Variants in ACACB observed in about 807,000 individuals in gnomAD.
ACACB encodes acetyl-CoA carboxylase beta, also known as acetyl-CoA carboxylase 2.
A neutral mutation model predicts 278.8 loss-of-function variants in ACACB; 209 were observed. The ratio of observed to expected loss-of-function variants is 0.75; its 90% CI spans 0.67 to 0.84. ACACB has a LOEUF of 0.84. Ranked by LOEUF, ACACB falls within the 40% of genes least tolerant of loss-of-function variation. The pLI is 0.00. For synonymous variants in ACACB, 1,174 were observed against 1,285.6 expected, an observed-to-expected ratio of 0.91 and a Z score of 1.86; for missense variants, 2,850 against 3,269.0, an observed-to-expected ratio of 0.87 and a Z score of 3.13.
intron 24 of ACACB, among the ~76,000 whole-genome samples, chr12:109,221,789 TG>T (rs1428662418): frequency 1.3e-5 from 2 of 151,294 alleles, no homozygotes; most frequent in African/African-American, 4.9e-5. Context: ...TAACTCTTCG[TG>T]GGGGTGGGAG....
intron 17 of ACACB, among the ~76,000 whole-genome samples, chr12:109,198,435 T>TCTTA (rs1286764699): frequency 1.3e-5 from 2 of 152,216 alleles, no homozygotes; most frequent in African/African-American, 4.8e-5. Context: ...AAAGACTGGT[T>TCTTA]CTTACTCTGT....
At chr12:109,176,465 T>A (rs1180643039) in intron 9 of ACACB, among the ~76,000 whole-genome samples, 2 of 152,184 alleles carry the variant, frequency 1.3e-5, no homozygotes, top group African/African-American at 2.4e-5. Context: ...TGACAGAATC[T>A]TTTAGGTAGT....
intron 22 of ACACB, among the ~76,000 whole-genome samples, chr12:109,215,861 A>G (rs2045980092): frequency 6.6e-6 from 1 of 152,126 alleles, no homozygotes; most frequent in African/African-American, 2.4e-5. Flanking sequence ...CAGCAGTGCA[A>G]TCATAGCTCA....
chr12:109,247,730 A>G, intron 40 of ACACB, 27 bp downstream of exon 40: 1 of 1,571,184 alleles, frequency 6.4e-7, no homozygotes, highest in Non-Finnish European at 8.8e-7. Context: ...GTAGCTCCTT[A>G]ATTTTGCTCA....
rs1412305833 is a variant in ACACB, at chr12:109,175,954, G to A, written c.1240G>A (p.Asp414Asn). 6.2e-7 allele frequency: 1 copy of A among 1,614,048 alleles called. No individual in the cohort carries two copies. The highest frequency in any genetic ancestry group is 1.7e-5 in the Admixed American group (1 of 59,998). Residue 414 changes from aspartate (D) to asparagine (N), a missense_variant, in exon 8 of 53, where the codon GAT becomes AAT. Around this residue, in one of 3 missense-constraint regions of ACACB, gnomAD observed 2,265 missense variants for 2,561.3 expected, o/e 0.88. Transcript: ENST00000338432. ...GSGLTVEWTE[D>N]DLQQGKRISV... ...AGGCCTGACAGTGGAGTGGACAGAAGATGATCTGCAGCAGGGAAAAAGAAT... is the reference window on the plus strand; with the variant it reads ...AGGCCTGACAGTGGAGTGGACAGAAAATGATCTGCAGCAGGGAAAAAGAAT...
At chr12:109,237,085 G>C (rs2046651170) in intron 33 of ACACB, 80 bp from the exon 34 acceptor site, 8 of 1,422,708 alleles carry the variant, frequency 5.6e-6, no homozygotes, top group Non-Finnish European at 6.9e-6. Flanking sequence ...GCAGAGTAGG[G>C]TGTGGACCAA....
intron 21 of ACACB, among the ~76,000 whole-genome samples, chr12:109,211,133 C>T (rs1453865457): frequency 6.6e-6 from 1 of 151,904 alleles, no homozygotes; most frequent in East Asian, 1.9e-4. Flanking sequence ...GGGTTCCCCA[C>T]CATCATCATC....
At chr12:109,183,648 A>G (rs1004345867) in intron 11 of ACACB, among the ~76,000 whole-genome samples, 9 of 152,214 alleles carry the variant, frequency 5.9e-5, no homozygotes, top group Admixed American at 5.2e-4. Flanking sequence ...CTGTAGATTT[A>G]CTGAATTTGT....
chr12:109,210,554 T>TAC (rs1388673102), intron 21 of ACACB, among the ~76,000 whole-genome samples: 2 of 147,718 alleles, frequency 1.4e-5, no homozygotes, highest in African/African-American at 4.9e-5. Context: ...CATGTATATA[T>TAC]ACATATATAC....
rs1411008568 is a variant in ACACB, at chr12:109,265,535, C to T, written c.7250+10C>T. On this transcript the variant is annotated intron_variant, in intron 52 of 52. Coordinates refer to ENST00000338432, the MANE Select transcript of ACACB (RefSeq NM_001093.4). ...TCAAGACCATCCGAGGGTGAGTGGC[C>T]ACCGCACCTGCTTCCCAGCCTCCTG... 1.2e-6 allele frequency: 2 copies of T among 1,612,158 alleles called. No homozygotes were observed. The highest frequency in any genetic ancestry group is 1.7e-6 in the Non-Finnish European group (2 of 1,179,232).
intron 15 of ACACB, among the ~76,000 whole-genome samples, chr12:109,192,657 T>C (rs1248497743): frequency 1.3e-5 from 2 of 149,970 alleles, no homozygotes; most frequent in East Asian, 3.9e-4. Context: ...AGGATAAACT[T>C]TTTTTTTTTT....
intron 15 of ACACB, 46 bp downstream of exon 15, chr12:109,191,996 C>T (rs564272960): frequency 3.2e-5 from 51 of 1,587,742 alleles, no homozygotes; most frequent in Middle Eastern, 1.8e-4. Flanking sequence ...TATGTGTTAG[C>T]GGCTTAGGAG....
chr12:109,173,260 G>A (rs1391300566), intron 6 of ACACB, among the ~76,000 whole-genome samples: 2 of 152,174 alleles, frequency 1.3e-5, no homozygotes, highest in East Asian at 3.8e-4. Flanking sequence ...AAACCCCTGT[G>A]ACATAAGTTT....
At chr12:109,154,756 G>C (rs2043480416) in intron 2 of ACACB, 1 of 152,796 alleles carries the variant, frequency 6.5e-6, no homozygotes, top group Admixed American at 6.5e-5. Flanking sequence ...CGGCGCTCTA[G>C]GACTGCATCT....
chr12:109,240,471 A>G (rs1439069044), intron 35 of ACACB, among the ~76,000 whole-genome samples: 1 of 151,980 alleles, frequency 6.6e-6, no homozygotes, highest in Admixed American at 6.6e-5. Flanking sequence ...AGCCTGGGCA[A>G]CATGGAGAGA....
Position 109,216,874 on chromosome 12 carries a change from C to T in ACACB, c.3518C>T (p.Ser1173Phe), listed in dbSNP as rs1023312890. 16 of 1,614,072 alleles carry T rather than the reference C, an allele frequency of 9.9e-6. No individual in the cohort carries two copies. Among genetic ancestry groups the T allele is most frequent in the Non-Finnish European group, 1.3e-5 (15 of 1,180,014 alleles). ...DMSQVLDCIF[S>F]HAQVAKKNQL... is the part of the protein sequence containing the mutation. ...TCCCAGGTGCTGGACTGCATCTTCT[C>T]CCACGCACAGGTGGCCAAGAAGAAC... is the stretch of plus-strand genomic sequence containing the variant. The change falls in exon 24 of 53, where the codon TCC becomes TTC. Residue 1173 changes from serine (S) to phenylalanine (F), a missense_variant. Ser to Phe is a radical substitution (Grantham distance 155). This residue lies in a region of ACACB where 2,265 missense variants were observed against 2,561.3 expected (regional missense o/e 0.88). Transcript: ENST00000338432.
At chr12:109,215,354 T>G (rs1020524276) in intron 22 of ACACB, among the ~76,000 whole-genome samples, 3 of 152,110 alleles carry the variant, frequency 2.0e-5, no homozygotes, top group African/African-American at 7.2e-5. Context: ...CTACTCCAGT[T>G]TTGCCTCCAG....
intron 43 of ACACB, 90 bp from the exon 44 acceptor site, chr12:109,254,124 C>T: frequency 6.7e-7 from 1 of 1,492,622 alleles, no homozygotes; most frequent in Non-Finnish European, 9.3e-7. Context: ...CATAACCAGG[C>T]ATAATCATAG....
intron 13 of ACACB, 57 bp downstream of exon 13, chr12:109,188,219 TTCCTTCCTTCCTTCC>T (rs2044737599): frequency 7.3e-7 from 1 of 1,368,876 alleles, no homozygotes; most frequent in African/African-American, 2.1e-5. Context: ...CCTTCCTTCC[TTCCTTCCTTCCTTCC>T]CTCTCTCCCT....
Sources: gnomAD v4.1 joint callset for allele counts (sites outside exome capture counted in the v4.1 genomes callset) on GRCh38, gnomAD v4.1.1 for gene constraint, gnomAD v4.1.1 regional missense constraint, MANE v1.5 for transcripts, NCBI Gene and HGNC (gene_info 2026-07-23, HGNC 2026-07-21) for gene names.